Variants in PTPRK observed in about 807,000 individuals in gnomAD.
The protein encoded by PTPRK is protein tyrosine phosphatase receptor type K, also known as receptor-type tyrosine-protein phosphatase kappa.
Under a neutral mutation model 178.0 loss-of-function variants are expected in PTPRK, and 75 were observed. The observed-to-expected ratio is 0.42, with a 90% CI of 0.35 to 0.51. PTPRK has a LOEUF of 0.51. Ranked by LOEUF, PTPRK falls within the 20% of genes least tolerant of loss-of-function variation. The probability of loss-of-function intolerance (pLI) is 0.02; values close to 1 mark genes in which losing one functional copy is unlikely to be tolerated. For missense variants in PTPRK, 1,441 were observed against 1,797.8 expected (o/e 0.80, Z 3.59); for synonymous variants, 637 against 620.6 (o/e 1.03, Z -0.39).
chr6:128,517,532 G>A (rs924083802), intron 1 of PTPRK, among the ~76,000 whole-genome samples: 2 of 152,162 alleles, frequency 1.3e-5, no homozygotes, highest in Non-Finnish European at 2.9e-5. Flanking sequence ...CTGAAAGAAT[G>A]TATGAGTTGG....
chr6:128,204,584 T>C (rs1383856905), intron 6 of PTPRK, among the ~76,000 whole-genome samples: 1 of 147,670 alleles, frequency 6.8e-6, no homozygotes, highest in East Asian at 2.0e-4. Flanking sequence ...AGAAAACAAC[T>C]CCATTAAAAA....
In PTPRK at chr6:128,450,537, G is replaced by C. The variant is rs148942410; in HGVS notation, c.101-52849C>G. Reference sequence around the variant, plus strand: ...GGATACTCAAAGTGAGTGTTTCTCAGGGCCCTCCTGGGGTCTTTGAGGTCA... The same window carrying C: ...GGATACTCAAAGTGAGTGTTTCTCACGGCCCTCCTGGGGTCTTTGAGGTCA... On this transcript the variant is annotated intron_variant, in intron 1 of 29. Transcript: ENST00000368226. Among the ~76,000 whole-genome samples the C allele has an allele frequency of 3.3e-5, 5 of 152,236 alleles. No homozygotes were observed. The East Asian group carries it at 9.7e-4, about 29-fold the overall frequency.
chr6:128,494,258 T>C (rs1408611835), intron 1 of PTPRK, among the ~76,000 whole-genome samples: 1 of 151,824 alleles, frequency 6.6e-6, no homozygotes, highest in Non-Finnish European at 1.5e-5. Context: ...TGATAAATTT[T>C]AATTGTTTCG....
Position 128,519,207 on chromosome 6 carries a change from T to C in PTPRK, c.100+1052A>G. On this transcript the variant is annotated intron_variant, in intron 1 of 29. Transcript: ENST00000368226. The surrounding 1 kb of genome is among the most constrained non-coding windows in gnomAD (Gnocchi z 4.3). ...GGTAGACAAGTGCTCGGGAGCCCGC[T>C]CCCCAGCGTCCACCTGGTGAAACTT... 1 of 447,116 alleles carries C rather than the reference T, an allele frequency of 2.2e-6. No homozygotes were observed. 27.7% of individuals were successfully genotyped at this position (447,116 alleles called of 1,614,324 possible).
At chr6:128,518,935 C>G in intron 1 of PTPRK, 1 of 466,078 alleles carries the variant, frequency 2.1e-6, no homozygotes, top group South Asian at 1.6e-5. Context: ...CTCCAGAAAA[C>G]AACAATTTGA....
intron 7 of PTPRK, among the ~76,000 whole-genome samples, chr6:128,177,236 T>C (rs1400362404): frequency 2.0e-5 from 3 of 151,774 alleles, no homozygotes; most frequent in Non-Finnish European, 4.4e-5. Context: ...ATTTTCTTCA[T>C]CATATACTCC....
chr6:128,213,809 A>G (rs996358730), intron 6 of PTPRK, among the ~76,000 whole-genome samples: 4 of 152,248 alleles, frequency 2.6e-5, no homozygotes, highest in South Asian at 4.1e-4. Flanking sequence ...CCGGAATAGA[A>G]TACTGGTCAA....
intron 2 of PTPRK, among the ~76,000 whole-genome samples, chr6:128,354,239 T>TTTTTTTG (rs1562341895): frequency 5.7e-5 from 5 of 88,322 alleles, no homozygotes; most frequent in Non-Finnish European, 9.2e-5. Flanking sequence ...ATGTTTTTTT[T>TTTTTTTG]TTTTTTTTTT....
intron 6 of PTPRK, among the ~76,000 whole-genome samples, chr6:128,212,415 G>A (rs1808367833): frequency 6.6e-6 from 1 of 151,966 alleles, no homozygotes; most frequent in African/African-American, 2.4e-5. Flanking sequence ...TTTGGGGTAA[G>A]AGAAAGAAAA....
chr6:128,044,227 A>C (rs1305075996), intron 13 of PTPRK, among the ~76,000 whole-genome samples: 1 of 151,960 alleles, frequency 6.6e-6, no homozygotes, highest in Non-Finnish European at 1.5e-5. Flanking sequence ...CATGCCAAAA[A>C]CCTATCATTC....
At chr6:128,103,515 T>C (rs1002180113) in intron 7 of PTPRK, among the ~76,000 whole-genome samples, 1 of 152,146 alleles carries the variant, frequency 6.6e-6, no homozygotes, top group Non-Finnish European at 1.5e-5. Context: ...GTGCTCACCC[T>C]GGTTCCTGCA....
chr6:128,335,237 T>C (rs1488106680), intron 2 of PTPRK, among the ~76,000 whole-genome samples: 1 of 152,132 alleles, frequency 6.6e-6, no homozygotes, highest in Non-Finnish European at 1.5e-5. Flanking sequence ...AACAGATAAA[T>C]GTCTTAGATA....
At chr6:128,050,535 T>C (rs1262784224) in intron 13 of PTPRK, among the ~76,000 whole-genome samples, 4 of 152,234 alleles carry the variant, frequency 2.6e-5, no homozygotes, top group Non-Finnish European at 4.4e-5. Context: ...AGGATATCTC[T>C]TCTCTTGCAT....
rs180916311 is a variant in PTPRK, at chr6:128,339,115, G to C, written c.224-16805C>G. 2.8e-4 allele frequency among the ~76,000 whole-genome samples: 42 copies of C among 152,148 alleles called. 2 individuals are homozygous for C. The East Asian group carries it at 7.9e-3, about 29-fold the overall frequency. On this transcript the variant is annotated intron_variant, in intron 2 of 29. Transcript: ENST00000368226. Reference sequence around the variant, plus strand: ...ATGCTGCTCTGTATTTTATTATGGAGCATGGAATGTAGCAATCTGATTACA... The same window carrying C: ...ATGCTGCTCTGTATTTTATTATGGACCATGGAATGTAGCAATCTGATTACA...
intron 7 of PTPRK, among the ~76,000 whole-genome samples, chr6:128,138,785 G>A (rs1484012585): frequency 1.3e-5 from 2 of 152,052 alleles, no homozygotes; most frequent in East Asian, 3.9e-4. Context: ...CCTCTGTTTA[G>A]TTTTCAGAGT....
intron 7 of PTPRK, among the ~76,000 whole-genome samples, chr6:128,167,367 C>G (rs1201300888): frequency 6.6e-6 from 1 of 151,750 alleles, no homozygotes; most frequent in African/African-American, 2.4e-5. Flanking sequence ...ATTTGCCATG[C>G]AAGATATCTG....
At chr6:128,092,219 T>TA (rs1319930827) in intron 7 of PTPRK, among the ~76,000 whole-genome samples, 3 of 152,276 alleles carry the variant, frequency 2.0e-5, no homozygotes, top group Admixed American at 1.3e-4. Flanking sequence ...ACAAAGTCAA[T>TA]ATGTTATTTG....
At chr6:128,043,255 T>C (rs1777491052) in intron 13 of PTPRK, among the ~76,000 whole-genome samples, 1 of 152,054 alleles carries the variant, frequency 6.6e-6, no homozygotes, top group South Asian at 2.1e-4. Context: ...ATATGATCAT[T>C]TTAACTGATG....
intron 13 of PTPRK, among the ~76,000 whole-genome samples, chr6:128,026,327 G>A (rs192561026): frequency 3.8e-4 from 58 of 152,264 alleles, no homozygotes; most frequent in Middle Eastern, 3.4e-3. Flanking sequence ...TTGTATATGT[G>A]TAAAGTGGTC....
Sources: gnomAD v4.1 joint callset for allele counts (sites outside exome capture counted in the v4.1 genomes callset) on GRCh38, gnomAD v4.1.1 for gene constraint, Gnocchi (gnomAD v3.1) non-coding constraint, MANE v1.5 for transcripts, NCBI Gene and HGNC (gene_info 2026-07-23, HGNC 2026-07-21) for gene names.